Variants in CSGALNACT1 observed in about 807,000 individuals in gnomAD.
CSGALNACT1 encodes chondroitin sulfate N-acetylgalactosaminyltransferase 1.
CSGALNACT1 carries 52 observed loss-of-function variants against 51.0 expected under a neutral mutation model. That is an observed-to-expected ratio of 1.02 (90% CI 0.82 to 1.29). CSGALNACT1 has a LOEUF of 1.29. CSGALNACT1 is among the 50% of genes most tolerant of loss of function. CSGALNACT1 has a pLI of 0.00. For synonymous variants in CSGALNACT1, 341 were observed against 254.4 expected (o/e 1.34, Z -3.24); for missense variants, 935 against 679.2 (o/e 1.38, Z -4.19).
chr8:19,613,039 T>C (rs992630955), intron 1 of CSGALNACT1, among the ~76,000 whole-genome samples: 1 of 145,944 alleles, frequency 6.9e-6, no homozygotes, highest in Non-Finnish European at 1.5e-5. Flanking sequence ...AATTTTCATA[T>C]CCATATTTTG....
upstream of CSGALNACT1, among the ~76,000 whole-genome samples, chr8:19,685,563 C>G (rs1466512553): frequency 6.6e-6 from 1 of 152,114 alleles, no homozygotes; most frequent in Non-Finnish European, 1.5e-5. Flanking sequence ...TTAACTAGTT[C>G]TTAGTGTTAC....
At chr8:19,474,865 C>G (rs1177144834) in intron 4 of CSGALNACT1, among the ~76,000 whole-genome samples, 1 of 23,784 alleles carries the variant, frequency 4.2e-5, no homozygotes, top group East Asian at 1.9e-3. Context: ...GAAACTCTGT[C>G]TCAGAAAAAA....
chr8:19,658,453 G>A (rs1319374054), intron 1 of CSGALNACT1, among the ~76,000 whole-genome samples: 1 of 152,152 alleles, frequency 6.6e-6, no homozygotes, highest in African/African-American at 2.4e-5. Context: ...CAAACAAGAG[G>A]CCGGGCATGG....
rs193234446 is a variant in CSGALNACT1, at chr8:19,673,022, G to A, written c.-544+9451C>T. Among the ~76,000 whole-genome samples, 28 of 152,272 alleles carry A rather than the reference G, an allele frequency of 1.8e-4. No homozygotes were observed. The East Asian group carries it at 2.9e-3, about 16-fold the overall frequency. ...TTCCAAGGCCCTCTTTTCAGAGTTC[G>A]AAGTGAAATCAAAGAGCCATCTCAA... On this transcript the variant is annotated intron_variant, in intron 1 of 9. Transcript: ENST00000332246.
chr8:19,483,671 G>A (rs1298291531), intron 4 of CSGALNACT1, among the ~76,000 whole-genome samples: 5 of 152,102 alleles, frequency 3.3e-5, no homozygotes, highest in Non-Finnish European at 5.9e-5. Context: ...TGTAATCTCT[G>A]TAATCTAAAA....
chr8:19,473,688 T>C (rs780487370), intron 4 of CSGALNACT1, among the ~76,000 whole-genome samples: 7 of 152,248 alleles, frequency 4.6e-5, no homozygotes, highest in Non-Finnish European at 1.0e-4. Flanking sequence ...GTAGTGTCTC[T>C]TAGAAGCATT....
chr8:19,666,891 G>GAGAA (rs2059298927), intron 1 of CSGALNACT1, among the ~76,000 whole-genome samples: 1 of 128,402 alleles, frequency 7.8e-6, no homozygotes, highest in African/African-American at 3.1e-5. Flanking sequence ...GAAAGAGAGA[G>GAGAA]AGGAAGTGAG....
intron 2 of CSGALNACT1, among the ~76,000 whole-genome samples, chr8:19,594,718 T>A (rs906815221): frequency 1.3e-5 from 2 of 151,992 alleles, no homozygotes; most frequent in African/African-American, 2.4e-5. Flanking sequence ...TAATTTTTTT[T>A]TTTTTTTATT....
At chr8:19,672,039 C>A (rs955800629) in intron 1 of CSGALNACT1, among the ~76,000 whole-genome samples, 3 of 152,080 alleles carry the variant, frequency 2.0e-5, no homozygotes, top group African/African-American at 7.2e-5. Flanking sequence ...TAAAGTGGTA[C>A]ATTTACATAG....
chr8:19,538,258 G>T (rs1224736170), intron 3 of CSGALNACT1, among the ~76,000 whole-genome samples: 1 of 152,198 alleles, frequency 6.6e-6, no homozygotes, highest in Non-Finnish European at 1.5e-5. Context: ...TTGAGCCTAG[G>T]AGTTGGAGGC....
At chr8:19,517,210 G>A (rs1197854170) in intron 3 of CSGALNACT1, among the ~76,000 whole-genome samples, 2 of 152,172 alleles carry the variant, frequency 1.3e-5, no homozygotes, top group Non-Finnish European at 2.9e-5. Flanking sequence ...GGCCGAGGTG[G>A]GAAGATCACC....
chr8:19,698,786 A>G (rs1470444937), intron 1 of CSGALNACT1, among the ~76,000 whole-genome samples: 2 of 152,116 alleles, frequency 1.3e-5, no homozygotes, highest in Non-Finnish European at 2.9e-5. Context: ...AAAATCATTG[A>G]TTTACCATAT....
intron 1 of CSGALNACT1, among the ~76,000 whole-genome samples, chr8:19,721,775 C>A (rs898793818): frequency 6.6e-6 from 1 of 152,150 alleles, no homozygotes; most frequent in African/African-American, 2.4e-5. Flanking sequence ...ATGAACTGCA[C>A]GATATATGCA....
chr8:19,721,268 G>A (rs1001730713), intron 1 of CSGALNACT1, among the ~76,000 whole-genome samples: 1 of 152,174 alleles, frequency 6.6e-6, no homozygotes, highest in Middle Eastern at 3.4e-3. Context: ...TGATCTCCAG[G>A]CCCATGCAAC....
intron 1 of CSGALNACT1, among the ~76,000 whole-genome samples, chr8:19,731,215 A>T (rs1310161963): frequency 2.0e-5 from 3 of 152,166 alleles, no homozygotes; most frequent in Non-Finnish European, 4.4e-5. Context: ...AGCAATAAAA[A>T]TAAGCTCCTT....
chr8:19,424,239 C>T (rs112837751), intron 6 of CSGALNACT1, among the ~76,000 whole-genome samples: 164 of 152,298 alleles, frequency 1.1e-3, no homozygotes, highest in Non-Finnish European at 2.0e-3. Flanking sequence ...CAGTCACAGA[C>T]ACTGGAGAAG....
intron 1 of CSGALNACT1, among the ~76,000 whole-genome samples, chr8:19,616,561 G>T (rs770866514): frequency 6.6e-6 from 1 of 152,122 alleles, no homozygotes; most frequent in Non-Finnish European, 1.5e-5. Context: ...TTGGAGGTGG[G>T]GCCTCCTGGA....
chr8:19,519,645 C>T (rs1002078580), intron 3 of CSGALNACT1, among the ~76,000 whole-genome samples: 4 of 152,266 alleles, frequency 2.6e-5, no homozygotes, highest in Admixed American at 6.5e-5. Context: ...TTGGAGGATA[C>T]ATGTGACACT....
chr8:19,584,571 A>G (rs2046242075), intron 3 of CSGALNACT1, among the ~76,000 whole-genome samples: 1 of 152,252 alleles, frequency 6.6e-6, no homozygotes, highest in South Asian at 2.1e-4. Flanking sequence ...TAACGCCACT[A>G]AATTCTAGGC....
Sources: allele counts gnomAD v4.1 joint callset (sites outside exome capture counted in the v4.1 genomes callset), GRCh38; gene constraint gnomAD v4.1.1; transcripts MANE v1.5; gene names NCBI Gene and HGNC (gene_info 2026-07-23, HGNC 2026-07-21).